Variants in HEATR5B observed in about 807,000 individuals in gnomAD.
HEATR5B encodes HEAT repeat-containing protein 5B.
In HEATR5B, 156 loss-of-function variants were observed where a neutral mutation model predicts 224.1. The observed-to-expected ratio is 0.70, with a 90% CI of 0.61 to 0.80. HEATR5B has a LOEUF of 0.80. Among genes scored for constraint, HEATR5B ranks in the 30% least tolerant of loss-of-function variants. The probability of loss-of-function intolerance (pLI) is 0.00; values close to 1 mark genes in which losing one functional copy is unlikely to be tolerated. For synonymous variants in HEATR5B, 1,027 were observed against 893.0 expected, an observed-to-expected ratio of 1.15 and a Z score of -2.68; for missense variants, 2,323 against 2,535.5, an observed-to-expected ratio of 0.92 and a Z score of 1.80.
chr2:37,039,105 T>C (rs762708152), intron 20 of HEATR5B, among the ~76,000 whole-genome samples: 2 of 150,274 alleles, frequency 1.3e-5, no homozygotes, highest in African/African-American at 2.5e-5. Context: ...AGTGGGAGGA[T>C]TGCTTGAGGC....
At chr2:37,064,595 T>C (rs1410810037) in intron 10 of HEATR5B, 145 bp downstream of exon 10, 1 of 763,592 alleles carries the variant, frequency 1.3e-6, no homozygotes. Context: ...TAGGGTCTGT[T>C]AACACCATAG....
intron 2 of HEATR5B, among the ~76,000 whole-genome samples, chr2:37,081,845 C>T (rs1672589768): frequency 6.6e-6 from 1 of 151,960 alleles, no homozygotes; most frequent in African/African-American, 2.4e-5. Context: ...AGCCAGCTAG[C>T]TATATACTCT....
chr2:37,083,401 T>C lies in HEATR5B; in HGVS notation c.14A>G (p.His5Arg), dbSNP rs375087481. Residue 5 changes from histidine to arginine, a missense_variant, in exon 2 of 36, where the codon CAC (histidine) becomes CGC (arginine). His to Arg is a conservative substitution (Grantham distance 29, BLOSUM62 0). This residue lies in a region of HEATR5B where 292 missense variants were observed against 332.6 expected (regional missense o/e 0.88). Transcript: ENST00000233099. ...AGCTTCTTCATTTAGCAATAAACTG[T>C]GGGCTAACTCCATTACGGAAGTTTG... MELA[H>R]SLLLNEEALA... 1.4e-5 allele frequency: 23 copies of C among 1,613,566 alleles called. No individual in the cohort carries two copies. The highest frequency in any genetic ancestry group is 5.3e-5 in the African/African-American group (4 of 74,916).
intron 18 of HEATR5B, among the ~76,000 whole-genome samples, chr2:37,047,098 A>G (rs1434147699): frequency 6.7e-6 from 1 of 149,842 alleles, no homozygotes; most frequent in Admixed American, 6.7e-5. Flanking sequence ...AATCCCAACT[A>G]CTCAAGAGGC....
chr2:37,076,896 G>C lies in HEATR5B; in HGVS notation c.447+15C>G. ...CACAAGCAAATATTCAAATAATATT[G>C]GTTGTAAAACTTACCTCTGCACTTT... On this transcript the variant is annotated intron_variant, in intron 4 of 35. Transcript: ENST00000233099. 2 of 1,547,672 alleles carry C rather than the reference G, an allele frequency of 1.3e-6. No individual in the cohort carries two copies. Among genetic ancestry groups the C allele is most frequent in the African/African-American group, 1.4e-5 (1 of 73,556 alleles).
At chr2:37,081,738 C>T (rs182304930) in intron 2 of HEATR5B, among the ~76,000 whole-genome samples, 14 of 152,216 alleles carry the variant, frequency 9.2e-5, no homozygotes, top group Admixed American at 3.9e-4. Context: ...GGCACAGTTG[C>T]GGTCTGGGAA....
At position 37,079,274 on chromosome 2, in the gene HEATR5B, T is replaced by G; in HGVS notation, c.184A>C (p.Ser62Arg). 1 of 1,613,082 alleles carries G rather than the reference T, an allele frequency of 6.2e-7. No individual in the cohort carries two copies. Among genetic ancestry groups the G allele is most frequent in the Non-Finnish European group, 8.5e-7 (1 of 1,179,292 alleles). ...TTTCGTGTAGGTGGTCCAGGTGAAC[T>G]ACTTATTAATCCAGTTAATTGTTCA... Reference protein sequence around the residue: ...LVEQLTGLISSSPGPPTRKLL... With the variant: ...LVEQLTGLISRSPGPPTRKLL... The change falls in exon 3 of 36, where the codon AGT becomes CGT. Residue 62 changes from serine (S) to arginine (R), a missense_variant. By Grantham distance (110) the Ser-to-Arg change is moderately radical. Coordinates refer to ENST00000233099, the MANE Select transcript of HEATR5B (RefSeq NM_019024.3).
intron 17 of HEATR5B, among the ~76,000 whole-genome samples, chr2:37,053,104 G>A (rs866726218): frequency 6.6e-6 from 1 of 152,080 alleles, no homozygotes; most frequent in African/African-American, 2.4e-5. Flanking sequence ...TAATGAGAAC[G>A]CAATCTCTAA....
intron 24 of HEATR5B, among the ~76,000 whole-genome samples, chr2:37,025,443 G>T (rs1166586087): frequency 6.6e-6 from 1 of 151,550 alleles, no homozygotes. Context: ...TCTGGAAACA[G>T]TGTTCTATAA....
chr2:37,077,690 A>T (rs1672318653), intron 3 of HEATR5B, among the ~76,000 whole-genome samples: 1 of 152,234 alleles, frequency 6.6e-6, no homozygotes, highest in Admixed American at 6.5e-5. Flanking sequence ...TGTAACACTT[A>T]ATGTCAATCA....
Position 37,003,560 on chromosome 2 carries a change from C to G in HEATR5B, c.5032G>C (p.Glu1678Gln), listed in dbSNP as rs1208135854. ...TGCTTACTTAGAGTGTTTCTTTTCT[C>G]TTGCAAATAATCCTGAGCAGCTCTT... is the stretch of plus-strand genomic sequence containing the variant. ...IVRAAQDYLQ[E>Q]KRNTLNEDDM... is the part of the protein sequence containing the mutation. Residue 1678 changes from glutamate to glutamine, a missense_variant, in exon 31 of 36, where the codon GAG becomes CAG. Physicochemically the swap from Glu to Gln is conservative, Grantham distance 29 (BLOSUM62 2). Around this residue, in one of 12 missense-constraint regions of HEATR5B, gnomAD observed 844 missense variants for 812.9 expected, o/e 1.04. Transcript: ENST00000233099. 1 of 1,606,588 alleles carries G rather than the reference C, an allele frequency of 6.2e-7. No homozygotes were observed. The highest frequency in any genetic ancestry group is 8.5e-7 in the Non-Finnish European group (1 of 1,175,970).
chr2:37,058,660 A>T, intron 13 of HEATR5B, 100 bp from the exon 14 acceptor site: 1 of 788,302 alleles, frequency 1.3e-6, no homozygotes. Flanking sequence ...CTACACTGAT[A>T]AGTATACACT....
Position 37,060,752 on chromosome 2 carries a change from A to C in HEATR5B, c.1697-19T>G, listed in dbSNP as rs373339379. ...GATGGTCCTAGCCAAGAAAATGAGA[A>C]TACAAAACCATGTATATGTAACATA... On this transcript the variant is annotated intron_variant, in intron 11 of 35. Coordinates refer to ENST00000233099, the MANE Select transcript of HEATR5B (RefSeq NM_019024.3). 5 of 1,607,264 alleles carry C rather than the reference A, an allele frequency of 3.1e-6. No individual in the cohort carries two copies. The highest frequency in any genetic ancestry group is 1.1e-5 in the South Asian group (1 of 90,290).
In HEATR5B at chr2:37,075,625, G is replaced by A. The variant is rs1291080607; in HGVS notation, c.457C>T (p.Arg153Ter). 3 of 1,611,624 alleles carry A rather than the reference G, an allele frequency of 1.9e-6. No individual in the cohort carries two copies. The South Asian group carries it at 3.3e-5, about 18-fold the overall frequency. Residue 153 changes from arginine to a stop codon, truncating the protein, a stop_gained, in exon 5 of 36, where the codon CGA (arginine) becomes TGA (stop). Coordinates refer to ENST00000233099, the MANE Select transcript of HEATR5B (RefSeq NM_019024.3). LOFTEE classifies it high-confidence loss of function. Reference sequence around the variant, plus strand: ...TGTAGACTCATTAAGATTTCACTTCGCCCTTGAGACTAGACATGTATACAA... The same window carrying A: ...TGTAGACTCATTAAGATTTCACTTCACCCTTGAGACTAGACATGTATACAA... ...KSLKSAESQG[R>*]SEILMSLQKV...
intron 22 of HEATR5B, among the ~76,000 whole-genome samples, chr2:37,030,570 C>T (rs183477251): frequency 3.2e-3 from 481 of 152,182 alleles, no homozygotes; most frequent in South Asian, 0.017. Context: ...GGACATAGTG[C>T]CAAAAAACCC....
chr2:37,036,689 T>G (rs1031347204), intron 21 of HEATR5B, among the ~76,000 whole-genome samples: 1 of 152,052 alleles, frequency 6.6e-6, no homozygotes, highest in Non-Finnish European at 1.5e-5. Context: ...TTTTTGTATT[T>G]TTAGTAGAGA....
Position 37,020,832 on chromosome 2 carries a change from G to A in HEATR5B, c.3858C>T (p.Asp1286=), listed in dbSNP as rs1305769993. The change falls in exon 25 of 36, where the codon GAC becomes GAT. Residue 1286 remains aspartate (D), a synonymous_variant. Coordinates refer to ENST00000233099, the MANE Select transcript of HEATR5B (RefSeq NM_019024.3). ...GGTCAGAGAGATGAAGTACCAAGAG[G>A]TCATCTAAAAATAAAAATAGAATGC... ...RSAKLRNPTN[D]LLVLHLSDLI... 6.8e-7 allele frequency: 1 copy of A among 1,481,144 alleles called. No individual in the cohort carries two copies. The highest frequency in any genetic ancestry group is 9.0e-7 in the Non-Finnish European group (1 of 1,113,422). 91.8% of individuals were successfully genotyped at this position (1,481,144 alleles called of 1,614,324 possible). A position where few individuals can be genotyped will look rare whatever the true frequency, so the allele number is the denominator to read the frequency against.
intron 3 of HEATR5B, among the ~76,000 whole-genome samples, chr2:37,077,992 G>C (rs1286619832): frequency 6.6e-6 from 1 of 152,206 alleles, no homozygotes; most frequent in Non-Finnish European, 1.5e-5. Flanking sequence ...AATAGTAAGT[G>C]AATAGCTGTG....
At chr2:37,053,631 C>A in intron 16 of HEATR5B, 24 bp from the exon 17 acceptor site, 1 of 1,423,698 alleles carries the variant, frequency 7.0e-7, no homozygotes, top group South Asian at 1.2e-5. Context: ...AAAAAAAAAT[C>A]ACATTAGTGA....
Sources: gnomAD v4.1 joint callset for allele counts (sites outside exome capture counted in the v4.1 genomes callset) on GRCh38, gnomAD v4.1.1 for gene constraint, gnomAD v4.1.1 regional missense constraint, MANE v1.5 for transcripts, NCBI Gene and HGNC (gene_info 2026-07-23, HGNC 2026-07-21) for gene names.